Variants in DDR2 observed in about 807,000 individuals in gnomAD.
The protein encoded by DDR2 is discoidin domain receptor tyrosine kinase 2.
DDR2 carries 27 observed loss-of-function variants against 94.9 expected under a neutral mutation model. The ratio of observed to expected loss-of-function variants is 0.28; its 90% confidence interval spans 0.21 to 0.39. DDR2 has a LOEUF of 0.39. Among genes scored for constraint, DDR2 ranks in the 10% least tolerant of loss-of-function variants. DDR2 has a pLI of 1.00. For missense variants in DDR2, 783 were observed against 1,076.0 expected (o/e 0.73, Z 3.81); for synonymous variants, 382 against 377.2 (o/e 1.01, Z -0.15).
intron 2 of DDR2, among the ~76,000 whole-genome samples, chr1:162,687,717 T>G (rs1659754824): frequency 6.6e-6 from 1 of 152,148 alleles, no homozygotes; most frequent in African/African-American, 2.4e-5. Context: ...ACCAGGGGGA[T>G]GCTGCCTGAG....
In DDR2 at chr1:162,658,804, G is replaced by A. The variant is rs1009762753; in HGVS notation, c.-28+3430G>A. Among the ~76,000 whole-genome samples the A allele has an allele frequency of 1.2e-4, 5 of 41,366 alleles. No individual in the cohort carries two copies. The Admixed American group carries it at 1.2e-3, about 10-fold the overall frequency. The allele number at this position is 41,366 out of a possible 152,430, so 27.1% of individuals were successfully genotyped here. On this transcript the variant is annotated intron_variant, in intron 2 of 17. Transcript: ENST00000367921. Reference sequence around the variant, plus strand: ...TTCACATCATTGCACTCCAGCCTGGGTGACAGAATGAGACCCTGTCTCAAA... The same window carrying A: ...TTCACATCATTGCACTCCAGCCTGGATGACAGAATGAGACCCTGTCTCAAA...
chr1:162,709,684 C>A (rs534732905), intron 2 of DDR2, among the ~76,000 whole-genome samples: 2 of 152,330 alleles, frequency 1.3e-5, no homozygotes, highest in Admixed American at 1.3e-4. Flanking sequence ...CTTCCAAGGG[C>A]TGCGGAGCCT....
intron 2 of DDR2, among the ~76,000 whole-genome samples, chr1:162,689,442 T>C (rs2101972851): frequency 1.3e-5 from 2 of 152,298 alleles, no homozygotes; most frequent in South Asian, 4.1e-4. Context: ...GGTTTCAACC[T>C]AGGCAGTTAA....
chr1:162,726,284 A>T lies in DDR2; in HGVS notation c.82+7139A>T, dbSNP rs191379085. Among the ~76,000 whole-genome samples the T allele has an allele frequency of 2.6e-5, 4 of 152,274 alleles. No homozygotes were observed. The East Asian group carries it at 5.8e-4, about 22-fold the overall frequency. ...CTTTATATTTTAGTTTAATCATTTC[A>T]TTAATTAATTATTTAACTTAATTAC... On this transcript the variant is annotated intron_variant, in intron 3 of 17. Transcript: ENST00000367921.
At chr1:162,755,434 A>C (rs2102137536) in intron 6 of DDR2, 131 bp downstream of exon 6, 1 of 1,285,008 alleles carries the variant, frequency 7.8e-7, no homozygotes, top group East Asian at 2.5e-5. Context: ...GGAAGAATAG[A>C]GACAGAAGCA....
intron 2 of DDR2, among the ~76,000 whole-genome samples, chr1:162,668,103 G>A (rs78490834): frequency 0.029 from 4,419 of 152,158 alleles, 236 homozygotes; most frequent in African/African-American, 0.1. Flanking sequence ...AAACTTTAAG[G>A]GGATGCCAAA....
intron 3 of DDR2, among the ~76,000 whole-genome samples, chr1:162,747,013 TC>T (rs1662906831): frequency 6.6e-6 from 1 of 152,008 alleles, no homozygotes; most frequent in African/African-American, 2.4e-5. Context: ...CATCTGTAGG[TC>T]ACCATCATCA....
At chr1:162,641,725 GT>G (rs1392713956) in intron 1 of DDR2, among the ~76,000 whole-genome samples, 6 of 152,038 alleles carry the variant, frequency 3.9e-5, no homozygotes, top group Admixed American at 3.9e-4. Context: ...TGGTTATGCC[GT>G]TAAGATCAGC....
intron 3 of DDR2, 80 bp from the exon 4 acceptor site, chr1:162,753,015 C>A: frequency 8.3e-7 from 1 of 1,206,352 alleles, no homozygotes; most frequent in Non-Finnish European, 1.2e-6. Context: ...GTTCAATATT[C>A]AGTGATATTC....
intron 2 of DDR2, among the ~76,000 whole-genome samples, chr1:162,681,687 C>T (rs1017002697): frequency 3.9e-5 from 6 of 152,108 alleles, no homozygotes; most frequent in Non-Finnish European, 5.9e-5. Flanking sequence ...GAAGAGAACT[C>T]TCTGGGGTCC....
intron 2 of DDR2, among the ~76,000 whole-genome samples, chr1:162,679,234 C>G (rs1659282243): frequency 6.6e-6 from 1 of 151,926 alleles, no homozygotes; most frequent in Non-Finnish European, 1.5e-5. Context: ...GTCTGTTGTT[C>G]CACTCCTAGC....
At chr1:162,678,567 C>G (rs376646383) in intron 2 of DDR2, among the ~76,000 whole-genome samples, 176 of 152,302 alleles carry the variant, frequency 1.2e-3, no homozygotes, top group African/African-American at 3.9e-3. Flanking sequence ...GAATCACTGG[C>G]CCAAGGTCAC....
chr1:162,776,454 G>A, intron 16 of DDR2, 84 bp downstream of exon 16: 1 of 1,286,852 alleles, frequency 7.8e-7, no homozygotes, highest in Non-Finnish European at 1.1e-6. Context: ...ACCTGAGACA[G>A]CAGGAGGCAA....
intron 2 of DDR2, among the ~76,000 whole-genome samples, chr1:162,695,130 A>G (rs950998182): frequency 6.6e-6 from 1 of 152,230 alleles, no homozygotes; most frequent in Admixed American, 6.5e-5. Context: ...TTGATGTGCT[A>G]GGTGGACATT....
intron 3 of DDR2, among the ~76,000 whole-genome samples, chr1:162,752,420 T>G (rs1223323707): frequency 6.6e-6 from 1 of 152,238 alleles, no homozygotes; most frequent in Non-Finnish European, 1.5e-5. Context: ...CAGATTGTTG[T>G]CCTTCGTTGT....
intron 10 of DDR2, among the ~76,000 whole-genome samples, chr1:162,766,961 G>C (rs1482125010): frequency 6.6e-6 from 1 of 151,634 alleles, no homozygotes; most frequent in Non-Finnish European, 1.5e-5. Context: ...CCTGGGAGGG[G>C]GAGGTTTCAG....
At chr1:162,716,831 C>T (rs1008298435) in intron 2 of DDR2, among the ~76,000 whole-genome samples, 1 of 152,030 alleles carries the variant, frequency 6.6e-6, no homozygotes, top group African/African-American at 2.4e-5. Flanking sequence ...TTACTCCATC[C>T]CTGTTATTGC....
At chr1:162,658,692 A>C (rs1055817297) in intron 2 of DDR2, among the ~76,000 whole-genome samples, 3 of 149,840 alleles carry the variant, frequency 2.0e-5, no homozygotes, top group African/African-American at 7.4e-5. Context: ...GCCAGGTATG[A>C]TGGGGCCTGC....
intron 2 of DDR2, among the ~76,000 whole-genome samples, chr1:162,711,813 CAT>C (rs1178664174): frequency 1.3e-5 from 2 of 152,076 alleles, no homozygotes; most frequent in Non-Finnish European, 2.9e-5. Flanking sequence ...CACACATGCA[CAT>C]ATGTTTATAC....
Sources: allele counts gnomAD v4.1 joint callset (sites outside exome capture counted in the v4.1 genomes callset), GRCh38; gene constraint gnomAD v4.1.1; transcripts MANE v1.5; gene names NCBI Gene and HGNC (gene_info 2026-07-23, HGNC 2026-07-21).